MACROD2: variants seen among roughly 807,000 people sequenced by gnomAD.
MACROD2 encodes the protein mono-ADP ribosylhydrolase 2, also known as ADP-ribose glycohydrolase MACROD2.
Under a neutral mutation model 70.4 loss-of-function variants are expected in MACROD2, and 36 were observed. The ratio of observed to expected loss-of-function variants is 0.51; its 90% confidence interval spans 0.39 to 0.68. The LOEUF is 0.68. MACROD2 is among the 30% of genes least tolerant of loss of function. The pLI, the probability that MACROD2 is intolerant of heterozygous loss-of-function variation, is 0.00. For synonymous variants in MACROD2, 172 were observed against 178.8 expected (o/e 0.96, Z 0.30); for missense variants, 496 against 538.4 (o/e 0.92, Z 0.78).
At chr20:15,989,810 GA>G (rs1487315477) in intron 15 of MACROD2, among the ~76,000 whole-genome samples, 1 of 127,154 alleles carries the variant, frequency 7.9e-6, no homozygotes, top group Non-Finnish European at 1.6e-5. Context: ...TCCTTTTAAG[GA>G]GGCAGAAAGT....
chr20:15,528,295 C>A (rs2047748875), intron 8 of MACROD2, among the ~76,000 whole-genome samples: 2 of 152,172 alleles, frequency 1.3e-5, no homozygotes, highest in Non-Finnish European at 2.9e-5. Context: ...CCACCACACC[C>A]AGCTAATTTT....
At chr20:14,155,322 T>C (rs1340833604) in intron 3 of MACROD2, among the ~76,000 whole-genome samples, 1 of 152,172 alleles carries the variant, frequency 6.6e-6, no homozygotes, top group African/African-American at 2.4e-5. Context: ...CAAAAATCAG[T>C]TAAAAATTTC....
At chr20:14,327,044 A>C in intron 3 of MACROD2, 6 of 1,613,792 alleles carry the variant, frequency 3.7e-6, no homozygotes, top group Non-Finnish European at 5.1e-6. Flanking sequence ...AGTCGGAGAT[A>C]GTTGCTGTCT....
intron 5 of MACROD2, among the ~76,000 whole-genome samples, chr20:14,784,883 T>C (rs566449753): frequency 1.8e-4 from 28 of 152,090 alleles, no homozygotes; most frequent in African/African-American, 6.8e-4. Context: ...AGTCGGGAAA[T>C]TGCGAGAGCT....
In MACROD2 at chr20:14,277,629, T is replaced by C. The variant is rs73090774; in HGVS notation, c.271+191901T>C. On this transcript the variant is annotated intron_variant, in intron 3 of 17. Coordinates refer to ENST00000684519, the MANE Select transcript of MACROD2 (RefSeq NM_001351661.2). ...CAAAGAAAAGGGTGGTGGAGACCAT[T>C]GTTTTATTTATTCATTCATTTATTA... is the stretch of plus-strand genomic sequence containing the variant. Among the ~76,000 whole-genome samples, 467 of 152,266 alleles carry C rather than the reference T, an allele frequency of 3.1e-3. 1 individual carries two copies. The highest frequency in any genetic ancestry group is 4.9e-3 in the Admixed American group (75 of 15,290).
intron 2 of MACROD2, among the ~76,000 whole-genome samples, chr20:14,082,177 C>CTT (rs66918191): frequency 0.19 from 17,277 of 93,198 alleles, 3,239 homozygotes; most frequent in Admixed American, 0.27. Flanking sequence ...CTTTTTTTTT[C>CTT]TTTTTTTTTT....
intron 6 of MACROD2, among the ~76,000 whole-genome samples, chr20:15,357,796 T>C (rs1292312395): frequency 1.1e-5 from 1 of 92,534 alleles, no homozygotes; most frequent in Non-Finnish European, 2.1e-5. Context: ...TGTTCATTCA[T>C]TCTTTTTTTT....
At position 15,471,644 on chromosome 20, in the gene MACROD2, T is replaced by C. The variant is rs546523950; in HGVS notation, c.572-28130T>C. Among the ~76,000 whole-genome samples the C allele has an allele frequency of 3.3e-5, 5 of 152,366 alleles. No individual in the cohort carries two copies. In the East Asian group the frequency reaches 9.6e-4, roughly 29 times the overall value. On this transcript the variant is annotated intron_variant, in intron 7 of 17. Coordinates refer to ENST00000684519, the MANE Select transcript of MACROD2 (RefSeq NM_001351661.2). ...TACTTAGTTTCTTTCTTAAATGAGA[T>C]AAATGAACCTGTAACATGGGACTTT...
intron 5 of MACROD2, among the ~76,000 whole-genome samples, chr20:14,885,353 C>A (rs892114332): frequency 6.6e-6 from 1 of 151,956 alleles, no homozygotes; most frequent in Admixed American, 6.6e-5. Context: ...ATTATTGTAT[C>A]ATATACATAA....
chr20:15,294,286 C>G (rs1397133794), intron 6 of MACROD2, among the ~76,000 whole-genome samples: 2 of 152,124 alleles, frequency 1.3e-5, no homozygotes, highest in Non-Finnish European at 2.9e-5. Flanking sequence ...CTCTTTCCCA[C>G]CTTTTCCTAT....
chr20:14,394,086 G>A (rs2083555315), intron 3 of MACROD2, among the ~76,000 whole-genome samples: 1 of 152,152 alleles, frequency 6.6e-6, no homozygotes, highest in Admixed American at 6.5e-5. Flanking sequence ...ATTTGTTATA[G>A]CAACCCAAAA....
chr20:14,866,715 A>AAATTCCTATGGGGACCG (rs1279183664), intron 5 of MACROD2, among the ~76,000 whole-genome samples: 4 of 152,084 alleles, frequency 2.6e-5, no homozygotes, highest in Non-Finnish European at 5.9e-5. Context: ...TGAGCTTTTC[A>AAATTCCTATGGGGACCG]GTGTTTGCTT....
chr20:15,395,228 G>A (rs1316457966), intron 6 of MACROD2, among the ~76,000 whole-genome samples: 4 of 152,136 alleles, frequency 2.6e-5, no homozygotes, highest in Non-Finnish European at 4.4e-5. Flanking sequence ...TTTGAACATA[G>A]GTTTCAAACA....
At chr20:15,777,542 C>T (rs150767168) in intron 8 of MACROD2, among the ~76,000 whole-genome samples, 137 of 78,698 alleles carry the variant, frequency 1.7e-3, no homozygotes, top group African/African-American at 5.4e-3. Flanking sequence ...TCCTTCCTTC[C>T]TTCCTTCCTT....
At chr20:14,241,870 C>T (rs1453101181) in intron 3 of MACROD2, among the ~76,000 whole-genome samples, 1 of 152,166 alleles carries the variant, frequency 6.6e-6, no homozygotes, top group African/African-American at 2.4e-5. Flanking sequence ...TTTACATAAG[C>T]TTTAATGGAG....
intron 8 of MACROD2, among the ~76,000 whole-genome samples, chr20:15,598,536 C>T (rs763672786): frequency 1.1e-4 from 17 of 152,072 alleles, no homozygotes; most frequent in Admixed American, 3.9e-4. Flanking sequence ...GCTCTCAGAG[C>T]GTGGTGCTAA....
chr20:15,912,206 C>G (rs1250085378), intron 10 of MACROD2, among the ~76,000 whole-genome samples: 2 of 152,216 alleles, frequency 1.3e-5, no homozygotes, highest in Non-Finnish European at 2.9e-5. Context: ...TCTGGATTGT[C>G]TGGTAACCTT....
chr20:15,386,119 C>T (rs1000228580), intron 6 of MACROD2, among the ~76,000 whole-genome samples: 1 of 152,090 alleles, frequency 6.6e-6, no homozygotes, highest in African/African-American at 2.4e-5. Flanking sequence ...GAAAAGCAGC[C>T]ATGAAGTGAT....
At chr20:15,386,802 A>G (rs887211296) in intron 6 of MACROD2, among the ~76,000 whole-genome samples, 2 of 152,196 alleles carry the variant, frequency 1.3e-5, no homozygotes, top group African/African-American at 4.8e-5. Flanking sequence ...TAGAAAATCA[A>G]TTACTATTGA....
Sources: allele counts gnomAD v4.1 joint callset (sites outside exome capture counted in the v4.1 genomes callset), GRCh38; gene constraint gnomAD v4.1.1; transcripts MANE v1.5; gene names NCBI Gene and HGNC (gene_info 2026-07-23, HGNC 2026-07-21).